The following CTNNA3 variants were observed in gnomAD, a reference collection of about 807,000 sequenced individuals.
CTNNA3 encodes catenin alpha-3.
CTNNA3 carries 76 observed loss-of-function variants against 95.7 expected under a neutral mutation model. That is an observed-to-expected ratio of 0.79 (90% confidence interval 0.66 to 0.96). CTNNA3 has a LOEUF of 0.96. Among genes scored for constraint, CTNNA3 ranks in the 40% least tolerant of loss-of-function variants. CTNNA3 has a pLI of 0.00. For synonymous variants in CTNNA3, 431 were observed against 374.4 expected (o/e 1.15, Z -1.74); for missense variants, 1,191 against 1,089.8 (o/e 1.09, Z -1.31).
intron 7 of CTNNA3, among the ~76,000 whole-genome samples, chr10:67,073,634 A>T (rs946350183): frequency 6.6e-6 from 1 of 152,156 alleles, no homozygotes; most frequent in Non-Finnish European, 1.5e-5. Flanking sequence ...AAACGAGAGA[A>T]TCACACACAA....
chr10:67,255,745 T>C (rs1279428548), intron 5 of CTNNA3, among the ~76,000 whole-genome samples: 1 of 152,226 alleles, frequency 6.6e-6, no homozygotes, highest in Non-Finnish European at 1.5e-5. Context: ...CAGTAAGAAC[T>C]GAAAACCTTC....
intron 12 of CTNNA3, among the ~76,000 whole-genome samples, chr10:66,322,916 G>T (rs72801021): frequency 0.056 from 8,427 of 151,802 alleles, 321 homozygotes; most frequent in Middle Eastern, 0.082. Flanking sequence ...GAACCAATCT[G>T]GTATAAGCCC....
chr10:67,611,185 A>C (rs1335067297), intron 2 of CTNNA3, among the ~76,000 whole-genome samples: 1 of 152,212 alleles, frequency 6.6e-6, no homozygotes, highest in Non-Finnish European at 1.5e-5. Context: ...AGATTTTCCA[A>C]ATTTAGGTGT....
chr10:67,316,586 A>G (rs1205577149), intron 5 of CTNNA3, among the ~76,000 whole-genome samples: 1 of 152,170 alleles, frequency 6.6e-6, no homozygotes, highest in Non-Finnish European at 1.5e-5. Context: ...TCTCTTCAAC[A>G]GTAATAGATA....
At chr10:66,621,028 G>A (rs1351612772) in intron 10 of CTNNA3, among the ~76,000 whole-genome samples, 2 of 152,052 alleles carry the variant, frequency 1.3e-5, no homozygotes, top group Non-Finnish European at 2.9e-5. Flanking sequence ...CATTTGTCAT[G>A]TAGAAATAAT....
intron 7 of CTNNA3, among the ~76,000 whole-genome samples, chr10:66,848,989 C>T (rs7100391): frequency 0.21 from 31,877 of 151,998 alleles, 3,546 homozygotes; most frequent in African/African-American, 0.28. Flanking sequence ...AAAGAATGAA[C>T]GAATTAGAAG....
intron 7 of CTNNA3, among the ~76,000 whole-genome samples, chr10:67,121,182 T>A (rs978146885): frequency 1.3e-5 from 2 of 152,100 alleles, no homozygotes; most frequent in South Asian, 4.1e-4. Flanking sequence ...TAAAGCTACA[T>A]AAAAACCATC....
chr10:67,689,427 A>G (rs1455313838), intron 1 of CTNNA3, among the ~76,000 whole-genome samples: 8 of 152,144 alleles, frequency 5.3e-5, no homozygotes. Context: ...TGAAGTTTAT[A>G]CTAGAAATCA....
intron 12 of CTNNA3, among the ~76,000 whole-genome samples, chr10:66,355,427 T>A (rs1424201817): frequency 6.6e-6 from 1 of 152,106 alleles, no homozygotes; most frequent in Admixed American, 6.6e-5. Flanking sequence ...GTACCTTCGA[T>A]ACATTATAAA....
intron 11 of CTNNA3, among the ~76,000 whole-genome samples, chr10:66,455,506 G>C (rs1406504869): frequency 6.6e-6 from 1 of 152,056 alleles, no homozygotes; most frequent in Non-Finnish European, 1.5e-5. Flanking sequence ...CCAACCTCTA[G>C]GTGTCCCCAC....
At chr10:66,509,802 T>C (rs1270282556) in intron 11 of CTNNA3, among the ~76,000 whole-genome samples, 1 of 151,906 alleles carries the variant, frequency 6.6e-6, no homozygotes, top group Non-Finnish European at 1.5e-5. Flanking sequence ...GAACTATCTA[T>C]ATTATATTTT....
intron 6 of CTNNA3, among the ~76,000 whole-genome samples, chr10:67,184,103 G>T (rs1291697661): frequency 1.1e-4 from 17 of 152,166 alleles, no homozygotes; most frequent in Non-Finnish European, 1.3e-4. Context: ...ACTCTCTGGT[G>T]AAGCTTTCCT....
chr10:65,950,458 T>C (rs1183100294), intron 17 of CTNNA3, among the ~76,000 whole-genome samples: 1 of 152,158 alleles, frequency 6.6e-6, no homozygotes, highest in African/African-American at 2.4e-5. Context: ...TCAGCTCAAC[T>C]CGTGAACATC....
intron 4 of CTNNA3, among the ~76,000 whole-genome samples, chr10:67,524,471 C>T (rs1299838719): frequency 1.3e-5 from 2 of 151,072 alleles, no homozygotes; most frequent in African/African-American, 4.9e-5. Context: ...GTAATATGCC[C>T]ATGGCCAAAG....
At chr10:65,953,328 C>T (rs1019273344) in intron 17 of CTNNA3, among the ~76,000 whole-genome samples, 1 of 152,024 alleles carries the variant, frequency 6.6e-6, no homozygotes, top group Non-Finnish European at 1.5e-5. Context: ...GGGAACTGAA[C>T]TGCAACAGTA....
intron 7 of CTNNA3, among the ~76,000 whole-genome samples, chr10:67,146,785 A>G (rs1219783393): frequency 6.6e-6 from 1 of 152,224 alleles, no homozygotes; most frequent in Non-Finnish European, 1.5e-5. Context: ...CATGCATGGC[A>G]TAACAGTGTT....
At chr10:66,867,836 T>A (rs926570745) in intron 7 of CTNNA3, among the ~76,000 whole-genome samples, 1 of 150,936 alleles carries the variant, frequency 6.6e-6, no homozygotes, top group South Asian at 2.1e-4. Flanking sequence ...ATTGTCATTC[T>A]CTTCACGTGT....
At chr10:67,016,623 T>C (rs1852676054) in intron 7 of CTNNA3, among the ~76,000 whole-genome samples, 1 of 152,142 alleles carries the variant, frequency 6.6e-6, no homozygotes, top group Non-Finnish European at 1.5e-5. Flanking sequence ...GAAACTAAGC[T>C]CTCTTTAATC....
At chr10:67,198,751 T>C (rs1863495768) in intron 6 of CTNNA3, among the ~76,000 whole-genome samples, 1 of 152,224 alleles carries the variant, frequency 6.6e-6, no homozygotes, top group Non-Finnish European at 1.5e-5. Context: ...AAATCAACTG[T>C]TCGTGCATTT....
Sources: allele counts gnomAD v4.1 joint callset (sites outside exome capture counted in the v4.1 genomes callset), GRCh38; gene constraint gnomAD v4.1.1; transcripts MANE v1.5; gene names NCBI Gene and HGNC (gene_info 2026-07-23, HGNC 2026-07-21).